The following TNRC6C variants were observed in gnomAD, a reference collection of about 807,000 sequenced individuals.
The protein encoded by TNRC6C is trinucleotide repeat containing adaptor 6C.
TNRC6C carries 20 observed loss-of-function variants against 153.7 expected under a neutral mutation model. That is an observed-to-expected ratio of 0.13 (90% CI 0.09 to 0.19). The LOEUF (loss-of-function observed/expected upper bound fraction) is 0.19, where lower values mean the gene tolerates loss of function less well. Among genes scored for constraint, TNRC6C ranks in the 10% least tolerant of loss-of-function variants. TNRC6C has a pLI of 1.00. For missense variants in TNRC6C, 1,987 were observed against 2,172.0 expected, an observed-to-expected ratio of 0.91 and a Z score of 1.69; for synonymous variants, 811 against 841.4, an observed-to-expected ratio of 0.96 and a Z score of 0.63.
intron 1 of TNRC6C, among the ~76,000 whole-genome samples, chr17:78,020,318 C>G (rs1282203054): frequency 1.3e-5 from 2 of 152,148 alleles, no homozygotes; most frequent in Non-Finnish European, 2.9e-5. Context: ...CTCCGGGACC[C>G]TTGGTCTTTT....
At chr17:77,992,624 T>G (rs532432970) in intron 1 of TNRC6C, among the ~76,000 whole-genome samples, 65 of 152,336 alleles carry the variant, frequency 4.3e-4, no homozygotes, top group African/African-American at 1.5e-3. Context: ...CGTCATGCTT[T>G]TTGGCTGTCA....
intron 1 of TNRC6C, among the ~76,000 whole-genome samples, chr17:78,022,371 A>G (rs1406713662): frequency 6.6e-6 from 1 of 152,242 alleles, no homozygotes; most frequent in Admixed American, 6.5e-5. Flanking sequence ...GGTGGTTTAT[A>G]TTGAAAAATG....
chr17:77,995,463 C>G, intron 1 of TNRC6C, among the ~76,000 whole-genome samples: 1 of 152,232 alleles, frequency 6.6e-6, no homozygotes, highest in East Asian at 1.9e-4. Flanking sequence ...TCCATTTTCA[C>G]AGAGCAGGCA....
upstream of TNRC6C, among the ~76,000 whole-genome samples, chr17:77,999,243 T>G (rs1422977194): frequency 6.6e-6 from 1 of 152,244 alleles, no homozygotes; most frequent in African/African-American, 2.4e-5. Context: ...TGCTCCTTTC[T>G]TTAGTCCTCT....
chr17:77,990,093 C>T (rs1314007649), intron 1 of TNRC6C, among the ~76,000 whole-genome samples: 2 of 152,168 alleles, frequency 1.3e-5, no homozygotes, highest in Non-Finnish European at 2.9e-5. Flanking sequence ...GAGAAGCCTA[C>T]GGATTGTTCT....
intron 16 of TNRC6C, among the ~76,000 whole-genome samples, chr17:78,094,075 G>A (rs1483419065): frequency 6.6e-6 from 1 of 151,592 alleles, no homozygotes; most frequent in Non-Finnish European, 1.5e-5. Flanking sequence ...CACCTTCTGG[G>A]TTCAAGCGAC....
intron 1 of TNRC6C, among the ~76,000 whole-genome samples, chr17:78,021,336 G>T (rs775333937): frequency 1.3e-4 from 20 of 152,228 alleles, no homozygotes; most frequent in Non-Finnish European, 2.2e-4. Context: ...CAGGAGGGGC[G>T]TGGGCCACGC....
In TNRC6C at chr17:78,049,117, G is replaced by A. The variant is rs1451045387; in HGVS notation, c.55G>A (p.Gly19Ser). ...CACTGGACATACCAAGAAGACAAAT[G>A]GCAATAATGGCACCAATGGCGCACT... Residue 19 changes from glycine (G) to serine (S), a missense_variant, in exon 3 of 20, where the codon GGC becomes AGC. This residue lies in a region of TNRC6C where 1,052 missense variants were observed against 1,017.0 expected (regional missense o/e 1.03). Coordinates refer to ENST00000301624, the Ensembl canonical transcript of TNRC6C. The surrounding 1 kb of genome is among the most constrained non-coding windows in gnomAD (Gnocchi z 4.1). The A allele has an allele frequency of 1.9e-6, 3 of 1,586,692 alleles. No individual in the cohort carries two copies. The South Asian group carries it at 3.5e-5, about 18-fold the overall frequency.
In TNRC6C at chr17:77,987,266, G is replaced by A. The variant is rs1013345434; in HGVS notation, c.-37-16904G>A. On this transcript the variant is annotated intron_variant, in intron 1 of 22. Coordinates refer to the TNRC6C transcript ENST00000636222. ...ATATGGGGAAATATGTTCATTAATA[G>A]TCAAAGAATTGTAAATTAAGGCCAC... 3.9e-5 allele frequency among the ~76,000 whole-genome samples: 6 copies of A among 152,284 alleles called. No individual in the cohort carries two copies. The South Asian group carries it at 1.2e-3, about 32-fold the overall frequency.
intron 1 of TNRC6C, among the ~76,000 whole-genome samples, chr17:78,017,917 C>T (rs536166917): frequency 2.0e-5 from 3 of 152,340 alleles, no homozygotes; most frequent in Admixed American, 2.0e-4. Context: ...TTTTCAGGCT[C>T]TGCTTAATTG....
At chr17:77,982,502 C>T (rs1225827149) in intron 1 of TNRC6C, among the ~76,000 whole-genome samples, 2 of 151,964 alleles carry the variant, frequency 1.3e-5, no homozygotes, top group East Asian at 3.9e-4. Context: ...CATTTACTGT[C>T]CAAAAAAAGA....
chr17:78,005,042 CTT>C (rs751925601), upstream of TNRC6C: 183 of 912,104 alleles, frequency 2.0e-4, no homozygotes, highest in Middle Eastern at 4.1e-4. Flanking sequence ...CTTTCTCTCT[CTT>C]TTTTTTTTTT....
rs771188000 is a variant in TNRC6C at position 78,083,019 on chromosome 17, G to A, written c.3358-28G>A. On this transcript the variant is annotated intron_variant, in intron 10 of 19. Coordinates refer to ENST00000301624, the Ensembl canonical transcript of TNRC6C. ...GTAACTATTTTAACAGAGATACAAC[G>A]GCTAATAGTATATTTTATGTTAAAC... The A allele has an allele frequency of 2.4e-5, 38 of 1,611,894 alleles. No individual in the cohort carries two copies. In the Middle Eastern group the frequency reaches 8.2e-4, roughly 35 times the overall value.
At chr17:78,057,040 A>G (rs2072672655) in intron 3 of TNRC6C, among the ~76,000 whole-genome samples, 1 of 152,210 alleles carries the variant, frequency 6.6e-6, no homozygotes, top group African/African-American at 2.4e-5. Context: ...TAGCAATACT[A>G]TAGGAGCAGT....
At chr17:77,961,468 A>G (rs2070862245) in intron 1 of TNRC6C, among the ~76,000 whole-genome samples, 2 of 151,652 alleles carry the variant, frequency 1.3e-5, no homozygotes, top group Non-Finnish European at 2.9e-5. Flanking sequence ...TTTTACTTTT[A>G]AGGTATGAAA....
intron 1 of TNRC6C, among the ~76,000 whole-genome samples, chr17:78,023,618 AAC>A (rs1042487361): frequency 4.0e-5 from 6 of 150,772 alleles, no homozygotes; most frequent in Non-Finnish European, 8.9e-5. Context: ...CAGCCTGGGA[AAC>A]ATGTCAAAAA....
At chr17:78,051,507 T>C in intron 3 of TNRC6C, 59 bp downstream of exon 5, 1 of 1,332,240 alleles carries the variant, frequency 7.5e-7, no homozygotes, top group Non-Finnish European at 9.8e-7. Flanking sequence ...AAGCTTATTC[T>C]CATTATATAT....
exon 17 of TNRC6C, chr17:78,098,467 G>C: frequency 6.2e-7 from 1 of 1,613,984 alleles, no homozygotes; most frequent in Non-Finnish European, 8.5e-7. Context: ...CACCTCCAGG[G>C]TTAACCAATC....
chr17:78,055,763 CAT>C (rs892487057), intron 3 of TNRC6C, among the ~76,000 whole-genome samples: 1 of 152,130 alleles, frequency 6.6e-6, no homozygotes, highest in Admixed American at 6.5e-5. Flanking sequence ...GGTTGGCAGT[CAT>C]GTATGGAGCA....
Sources: allele counts gnomAD v4.1 joint callset (sites outside exome capture counted in the v4.1 genomes callset), GRCh38; gene constraint gnomAD v4.1.1; regional missense constraint gnomAD v4.1.1; non-coding constraint Gnocchi (gnomAD v3.1); transcripts MANE v1.5; gene names NCBI Gene and HGNC (gene_info 2026-07-23, HGNC 2026-07-21).